Variants in SYT2 observed in about 807,000 individuals in gnomAD.
The protein encoded by SYT2 is synaptotagmin-2.
SYT2 carries 15 observed loss-of-function variants against 39.9 expected under a neutral mutation model. The ratio of observed to expected loss-of-function variants is 0.38; its 90% confidence interval spans 0.25 to 0.58. The LOEUF (loss-of-function observed/expected upper bound fraction) is 0.58, where lower values mean the gene tolerates loss of function less well. Among genes scored for constraint, SYT2 ranks in the 20% least tolerant of loss-of-function variants. The probability of loss-of-function intolerance (pLI) is 0.70; values close to 1 mark genes in which losing one functional copy is unlikely to be tolerated. For missense variants in SYT2, 389 were observed against 530.3 expected, an observed-to-expected ratio of 0.73 and a Z score of 2.62; for synonymous variants, 181 against 204.5, an observed-to-expected ratio of 0.89 and a Z score of 0.98.
At position 202,614,692 on chromosome 1, in the gene SYT2, G is replaced by A. The variant is rs188398316; in HGVS notation, c.-17-8903C>T. Among the ~76,000 whole-genome samples the A allele has an allele frequency of 6.6e-6, 1 of 152,356 alleles. No homozygotes were observed. The highest frequency in any genetic ancestry group is 1.9e-4 in the East Asian group (1 of 5,188). ...TGATGATTGAACTGAGACCTGAAGG[G>A]TGAGTATTTATCCAGGTAAAGAGGA... On this transcript the variant is annotated intron_variant, in intron 1 of 8. Coordinates refer to ENST00000367268, the MANE Select transcript of SYT2 (RefSeq NM_177402.5). The surrounding 1 kb of genome is among the most constrained non-coding windows in gnomAD (Gnocchi z 4.0).
At position 202,596,652 on chromosome 1, in the gene SYT2, C is replaced by T. The variant is rs977480835; in HGVS notation, c.*105G>A. The T allele has an allele frequency of 3.5e-6, 4 of 1,147,652 alleles. No individual in the cohort carries two copies. Among genetic ancestry groups the T allele is most frequent in the Non-Finnish European group, 4.9e-6 (4 of 819,886 alleles). 71.1% of individuals were successfully genotyped at this position (1,147,652 alleles called of 1,614,324 possible). A position where few individuals can be genotyped will look rare whatever the true frequency, so the allele number is the denominator to read the frequency against. ...GAAAAACAAGGACACAACCACCCAA[C>T]AAATGAAAGAAAAAAGAAAACCTCT... is the stretch of plus-strand genomic sequence containing the variant. On this transcript the variant is annotated 3_prime_UTR_variant, in exon 9 of 9. Coordinates refer to ENST00000367268, the MANE Select transcript of SYT2 (RefSeq NM_177402.5).
chr1:202,680,875 T>G (rs889211848), intron 1 of SYT2, among the ~76,000 whole-genome samples: 2 of 152,146 alleles, frequency 1.3e-5, no homozygotes, highest in African/African-American at 4.8e-5. Flanking sequence ...CCACTGCCTA[T>G]TGTAGGCCCT....
At chr1:202,642,330 A>G (rs1206845858) in intron 1 of SYT2, among the ~76,000 whole-genome samples, 1 of 152,160 alleles carries the variant, frequency 6.6e-6, no homozygotes, top group Non-Finnish European at 1.5e-5. Context: ...AGGCTCGGGC[A>G]GGCGTGCCCA....
chr1:202,683,886 G>A (rs1653591614), intron 1 of SYT2, among the ~76,000 whole-genome samples: 1 of 152,100 alleles, frequency 6.6e-6, no homozygotes. Context: ...GAGTGCTGGT[G>A]ATGTTCTATT....
intron 1 of SYT2, among the ~76,000 whole-genome samples, chr1:202,691,076 C>A (rs953732916): frequency 6.6e-6 from 1 of 152,178 alleles, no homozygotes; most frequent in East Asian, 1.9e-4. Flanking sequence ...CCCTCCGCCC[C>A]CTAAGAAATG....
At chr1:202,615,882 T>C (rs1007689979) in intron 1 of SYT2, among the ~76,000 whole-genome samples, 3 of 152,184 alleles carry the variant, frequency 2.0e-5, no homozygotes, top group Admixed American at 2.0e-4. Context: ...CTACAACTTG[T>C]TCGCAATTCC....
intron 1 of SYT2, among the ~76,000 whole-genome samples, chr1:202,697,530 T>C (rs1054908463): frequency 6.6e-6 from 1 of 152,254 alleles, no homozygotes; most frequent in African/African-American, 2.4e-5. Context: ...AAGAAGGAAA[T>C]GCTCTCTGAA....
At chr1:202,643,970 G>A (rs1414416259) in intron 1 of SYT2, among the ~76,000 whole-genome samples, 1 of 152,226 alleles carries the variant, frequency 6.6e-6, no homozygotes, top group Non-Finnish European at 1.5e-5. Flanking sequence ...GGGCAGGGGT[G>A]GGAGGGAAAC....
intron 8 of SYT2, among the ~76,000 whole-genome samples, chr1:202,598,922 C>A (rs1395933664): frequency 6.6e-6 from 1 of 152,192 alleles, no homozygotes; most frequent in Non-Finnish European, 1.5e-5. Flanking sequence ...GCTCCCAACC[C>A]CTCTGGCACC....
chr1:202,661,353 A>T (rs1692376192), intron 1 of SYT2, among the ~76,000 whole-genome samples: 1 of 151,900 alleles, frequency 6.6e-6, no homozygotes, highest in Non-Finnish European at 1.5e-5. Context: ...GGCTATGCCA[A>T]GCAGAAGCAG....
At chr1:202,603,569 GGAGA>G (rs1482779739) in intron 3 of SYT2, among the ~76,000 whole-genome samples, 4 of 152,118 alleles carry the variant, frequency 2.6e-5, no homozygotes, top group African/African-American at 9.7e-5. Flanking sequence ...CCACAGAGGT[GGAGA>G]GAGAAAGAAG....
chr1:202,687,666 C>CAA (rs59844832), intron 1 of SYT2, among the ~76,000 whole-genome samples: 30,927 of 83,462 alleles, frequency 0.37, 4,201 homozygotes, highest in South Asian at 0.45. Context: ...AACTCCATCT[C>CAA]AAAAAAAAAA....
At chr1:202,685,692 G>C (rs185800083) in intron 1 of SYT2, among the ~76,000 whole-genome samples, 2 of 152,114 alleles carry the variant, frequency 1.3e-5, no homozygotes, top group Non-Finnish European at 2.9e-5. Context: ...CCTTTTTAAT[G>C]CTGGGTTGCA....
intron 1 of SYT2, among the ~76,000 whole-genome samples, chr1:202,678,266 T>A (rs1416971912): frequency 9.4e-6 from 1 of 106,900 alleles, no homozygotes; most frequent in African/African-American, 3.7e-5. Flanking sequence ...AGAGCGAGAC[T>A]CTGTCTCAAA....
chr1:202,592,810 T>C lies in SYT2; in HGVS notation c.*3947A>G, dbSNP rs886585313. On this transcript the variant is annotated 3_prime_UTR_variant, in exon 9 of 9. Coordinates refer to ENST00000367268, the MANE Select transcript of SYT2 (RefSeq NM_177402.5). Reference sequence around the variant, plus strand: ...AGGGAGAGGGGGAAAAGTCATAGGGTAGGGTTCCCAGACACAATGCAGGAT... The same window carrying C: ...AGGGAGAGGGGGAAAAGTCATAGGGCAGGGTTCCCAGACACAATGCAGGAT... 1 of 152,184 alleles carries C rather than the reference T, an allele frequency of 6.6e-6. No homozygotes were observed. Among genetic ancestry groups the C allele is most frequent in the African/African-American group, 2.4e-5 (1 of 41,440 alleles). 9.4% of individuals were successfully genotyped at this position (152,184 alleles called of 1,614,324 possible). A position where few individuals can be genotyped will look rare whatever the true frequency, so the allele number is the denominator to read the frequency against.
rs113725643 is a variant in SYT2 at position 202,604,444 on chromosome 1, A to G, written c.345+11T>C. On this transcript the variant is annotated intron_variant, in intron 3 of 8. Transcript: ENST00000367268. The stretch of plus-strand genomic sequence containing the variant: ...CCCCTTCCAGTCCCCCTCACAACCA[A>G]TGTGCCCTACCTGACCCCCTTTCAT... The G allele has an allele frequency of 1.4e-4, 224 of 1,613,380 alleles. 2 individuals carry two copies. The highest frequency in any genetic ancestry group is 6.6e-4 in the Middle Eastern group (4 of 6,058).
chr1:202,691,723 GA>G (rs1558463352), intron 1 of SYT2, among the ~76,000 whole-genome samples: 348 of 16,160 alleles, frequency 0.022, 26 homozygotes, highest in African/African-American at 0.046. Flanking sequence ...GAGGGAGAGG[GA>G]GAGGGGGGGA....
chr1:202,630,565 G>A (rs755125184), intron 1 of SYT2: 18 of 172,200 alleles, frequency 1.0e-4, no homozygotes, highest in Non-Finnish European at 1.7e-4. Context: ...GTGGGTGTCT[G>A]ACAAACCACA....
chr1:202,699,277 C>T (rs556662159), intron 1 of SYT2, among the ~76,000 whole-genome samples: 1 of 152,148 alleles, frequency 6.6e-6, no homozygotes, highest in African/African-American at 2.4e-5. Context: ...CTGCATTGGC[C>T]TCTCAGAGTG....
Sources: gnomAD v4.1 joint callset for allele counts (sites outside exome capture counted in the v4.1 genomes callset) on GRCh38, gnomAD v4.1.1 for gene constraint, Gnocchi (gnomAD v3.1) non-coding constraint, MANE v1.5 for transcripts, NCBI Gene and HGNC (gene_info 2026-07-23, HGNC 2026-07-21) for gene names.